LRIF1: variants seen among roughly 807,000 people sequenced by gnomAD.
The protein encoded by LRIF1 is ligand dependent nuclear receptor interacting factor 1.
In LRIF1, 32 loss-of-function variants were observed where a neutral mutation model predicts 52.7. That is an observed-to-expected ratio of 0.61 (90% confidence interval 0.46 to 0.82). LRIF1 has a LOEUF of 0.82. Ranked by LOEUF, LRIF1 falls within the 40% of genes least tolerant of loss-of-function variation. The probability of loss-of-function intolerance (pLI) is 0.00; values close to 1 mark genes in which losing one functional copy is unlikely to be tolerated. For missense variants in LRIF1, 887 were observed against 892.0 expected (o/e 0.99, Z 0.07); for synonymous variants, 323 against 317.4 (o/e 1.02, Z -0.19).
At chr1:110,886,863 A>ATTT in the LRIF1 span, among the ~76,000 whole-genome samples, 2 of 72,256 alleles carry the variant, frequency 2.8e-5, no homozygotes, top group African/African-American at 9.6e-5. Flanking sequence ...ATATATATAT[A>ATTT]TATATATTTT....
rs1378772017 is a variant in LRIF1, at chr1:110,948,004, T to C, written c.2265A>G (p.Lys755=). Residue 755 remains lysine, a synonymous_variant, in exon 4 of 4, where the codon AAA becomes AAG. Coordinates refer to ENST00000369763, the MANE Select transcript of LRIF1 (RefSeq NM_018372.4). ...TACGCATTTCTTCAAGAGCTGCTTC[T>C]TTCTCTCTCAGCACCTGCTTAAGTC... ...IRRLKQVLRE[K]EAALEEMRKK... 1.3e-6 allele frequency: 2 copies of C among 1,598,274 alleles called. No individual in the cohort carries two copies. Among genetic ancestry groups the C allele is most frequent in the Non-Finnish European group, 1.7e-6 (2 of 1,174,252 alleles).
chr1:110,954,644 A>G (rs1286901373), intron 1 of LRIF1, among the ~76,000 whole-genome samples: 3 of 152,198 alleles, frequency 2.0e-5, no homozygotes, highest in South Asian at 2.1e-4. Context: ...TTTGACCTGG[A>G]TAAGAACATA....
At chr1:110,938,513 C>G in the LRIF1 span, 2 of 152,098 alleles carry the variant, frequency 1.3e-5, no homozygotes, top group Non-Finnish European at 2.9e-5. Flanking sequence ...CAACATCTTT[C>G]ATGACAAAAA....
the LRIF1 span, among the ~76,000 whole-genome samples, chr1:110,929,970 C>T: frequency 6.6e-6 from 1 of 152,110 alleles, no homozygotes; most frequent in Non-Finnish European, 1.5e-5. Flanking sequence ...CACAAGGTTA[C>T]CATATAATAA....
At chr1:110,907,804 C>T in the LRIF1 span, among the ~76,000 whole-genome samples, 5 of 152,098 alleles carry the variant, frequency 3.3e-5, no homozygotes, top group Non-Finnish European at 5.9e-5. Flanking sequence ...ACCCAGATGG[C>T]CCACTCACAC....
chr1:110,950,716 A>C (rs1658433683), intron 2 of LRIF1, among the ~76,000 whole-genome samples: 1 of 151,208 alleles, frequency 6.6e-6, no homozygotes, highest in Non-Finnish European at 1.5e-5. Flanking sequence ...AGGAAAATGA[A>C]ATTTGTCTAC....
At chr1:110,962,121 T>C (rs1355260088) in intron 1 of LRIF1, among the ~76,000 whole-genome samples, 1 of 151,594 alleles carries the variant, frequency 6.6e-6, no homozygotes, top group African/African-American at 2.4e-5. Context: ...ATCTTACTTT[T>C]TGTATTTAAA....
chr1:110,952,484 T>C lies in LRIF1; in HGVS notation c.400A>G (p.Lys134Glu), dbSNP rs1296893771. ...ATTTTCACACCATGACTCTGAACTT[T>C]AGAAACTGATGAAGAAAAATTTCCA... ...GTGNFSSSVS[K>E]VQSHGVKIDG... The change falls in exon 2 of 4, where the codon AAA becomes GAA. Residue 134 changes from lysine (K) to glutamate (E), a missense_variant. Transcript: ENST00000369763. 3.1e-6 allele frequency: 5 copies of C among 1,613,406 alleles called. No individual in the cohort carries two copies. The Admixed American group carries it at 6.7e-5, about 22-fold the overall frequency.
rs1400983418 is a variant in LRIF1, at chr1:110,957,773, C to CTAAAGACAAAA, written c.69-4959_69-4958insTTTTGTCTTTA. ...AATCACCTAGTCATTGCTGATTTGTCTTTATCATCATTCTTATTTACTTTA... is the reference window on the plus strand; with the variant it reads ...AATCACCTAGTCATTGCTGATTTGTCTAAAGACAAAATTTATCATCATTCTTATTTACTTTA... On this transcript the variant is annotated intron_variant, in intron 1 of 3. Coordinates refer to ENST00000369763, the MANE Select transcript of LRIF1 (RefSeq NM_018372.4). Among the ~76,000 whole-genome samples, 3 of 143,244 alleles carry CTAAAGACAAAA rather than the reference C, an allele frequency of 2.1e-5. No homozygotes were observed. In the East Asian group the frequency reaches 6.6e-4, roughly 32 times the overall value. The allele number at this position is 143,244 out of a possible 152,430, so 94.0% of individuals were successfully genotyped here.
intron 1 of LRIF1, 73 bp from the exon 2 acceptor site, chr1:110,952,888 G>A: frequency 5.3e-6 from 4 of 758,810 alleles, no homozygotes; most frequent in Non-Finnish European, 5.4e-6. Flanking sequence ...ATAAATATTT[G>A]TAAATATTTG....
At chr1:110,894,549 G>T in the LRIF1 span, 2 of 608,152 alleles carry the variant, frequency 3.3e-6, no homozygotes, top group Non-Finnish European at 2.9e-6. Context: ...AATTGTAATT[G>T]GGGGGAAAAT....
At chr1:110,944,323 T>G (rs1025286517), downstream of LRIF1, 4 of 152,126 alleles carry the variant, frequency 2.6e-5, no homozygotes, top group African/African-American at 9.7e-5. Flanking sequence ...GTGCAGCTAG[T>G]TTGAGGGAAG....
At chr1:110,881,076 C>T in the LRIF1 span, among the ~76,000 whole-genome samples, 1 of 152,230 alleles carries the variant, frequency 6.6e-6, no homozygotes, top group East Asian at 1.9e-4. Flanking sequence ...GGGGTGTTGC[C>T]ATGAGTGTGG....
the LRIF1 span, chr1:110,892,193 A>T: frequency 2.9e-6 from 2 of 680,988 alleles, no homozygotes; most frequent in South Asian, 3.4e-5. Flanking sequence ...CTCCAATGTA[A>T]GCATGGAAAA....
At chr1:110,889,888 A>G in the LRIF1 span, among the ~76,000 whole-genome samples, 1 of 152,228 alleles carries the variant, frequency 6.6e-6, no homozygotes, top group African/African-American at 2.4e-5. Context: ...TATTTTATTA[A>G]AGTAATCATG....
At chr1:110,904,824 CAG>C in the LRIF1 span, among the ~76,000 whole-genome samples, 16 of 152,144 alleles carry the variant, frequency 1.1e-4, no homozygotes, top group African/African-American at 3.9e-4. Context: ...CCTGGGGAAA[CAG>C]AGATATGCAA....
intron 1 of LRIF1, among the ~76,000 whole-genome samples, chr1:110,960,317 GTC>G (rs1356963927): frequency 6.6e-6 from 1 of 152,070 alleles, no homozygotes; most frequent in South Asian, 2.1e-4. Context: ...TAGTATGTGT[GTC>G]TGTCTCTCCC....
chr1:110,946,547 ATC>A (rs1394037326), downstream of LRIF1, among the ~76,000 whole-genome samples: 26 of 151,082 alleles, frequency 1.7e-4, no homozygotes, highest in African/African-American at 6.1e-4. Flanking sequence ...AATCTAGCTG[ATC>A]TGTGTATTTC....
chr1:110,886,871 T>TATATATA, the LRIF1 span, among the ~76,000 whole-genome samples: 45 of 76,072 alleles, frequency 5.9e-4, no homozygotes, highest in African/African-American at 6.8e-4. Context: ...ATATATATAT[T>TATATATA]TTTTTTTTCT....
Sources: gnomAD v4.1 joint callset for allele counts (sites outside exome capture counted in the v4.1 genomes callset) on GRCh38, gnomAD v4.1.1 for gene constraint, MANE v1.5 for transcripts, NCBI Gene and HGNC (gene_info 2026-07-23, HGNC 2026-07-21) for gene names.